ITGB7: variants seen among roughly 807,000 people sequenced by gnomAD.
ITGB7 encodes integrin beta-7.
ITGB7 carries 55 observed loss-of-function variants against 83.4 expected under a neutral mutation model. The ratio of observed to expected loss-of-function variants is 0.66; its 90% confidence interval spans 0.53 to 0.83. The LOEUF is 0.83. Ranked by LOEUF, ITGB7 falls within the 40% of genes least tolerant of loss-of-function variation. The probability of loss-of-function intolerance (pLI) is 0.00; values close to 1 mark genes in which losing one functional copy is unlikely to be tolerated. For missense variants in ITGB7, 921 were observed against 1,046.7 expected (o/e 0.88, Z 1.66); for synonymous variants, 454 against 423.6 (o/e 1.07, Z -0.88).
chr12:53,201,070 A>G lies in ITGB7; in HGVS notation c.-4+2T>C, dbSNP rs1942312958. ...CTAAAGTCTGCACCCAGTTCTATTT[A>G]CCGAGATCCCAAGCCGTAGTGGTAG... is the stretch of plus-strand genomic sequence containing the variant. On this transcript the variant is annotated splice_donor_variant, in intron 2 of 15. Coordinates refer to ENST00000267082, the MANE Select transcript of ITGB7 (RefSeq NM_000889.3). LOFTEE classifies it low-confidence loss of function (5UTR_SPLICE). 6.6e-6 allele frequency: 1 copy of G among 152,212 alleles called. No individual in the cohort carries two copies. The highest frequency in any genetic ancestry group is 1.5e-5 in the Non-Finnish European group (1 of 68,072). 9.4% of individuals were successfully genotyped at this position (152,212 alleles called of 1,614,324 possible). A position where few individuals can be genotyped will look rare whatever the true frequency, so the allele number is the denominator to read the frequency against.
chr12:53,201,277 C>T (rs760060522), intron 1 of ITGB7, 83 bp from the exon 2 acceptor site: 2 of 152,176 alleles, frequency 1.3e-5, no homozygotes, highest in African/African-American at 2.4e-5. Flanking sequence ...AGAAGAGGGT[C>T]AGTGACTGGG....
At chr12:53,205,526 G>T (rs2120545414) in intron 1 of ITGB7, among the ~76,000 whole-genome samples, 1 of 152,206 alleles carries the variant, frequency 6.6e-6, no homozygotes, top group Non-Finnish European at 1.5e-5. Context: ...GTCTGCAACT[G>T]AATCTGTAGG....
At position 53,191,559 on chromosome 12, in the gene ITGB7, G is replaced by C. The variant is rs780906449; in HGVS notation, c.2394C>G (p.Leu798=). ...TGGGTAAGTGTCCCTCCCTCCTTCA[G>C]AGAGTGGGACTGTCTGCCTCTTGAA... is the stretch of plus-strand genomic sequence containing the variant. ...PRFQEADSPT[L] is the part of the protein sequence containing the mutation. Residue 798 remains leucine, a synonymous_variant, in exon 16 of 16, where the codon CTC becomes CTG. Coordinates refer to ENST00000267082, the MANE Select transcript of ITGB7 (RefSeq NM_000889.3). 1.2e-6 allele frequency: 2 copies of C among 1,610,646 alleles called. No individual in the cohort carries two copies. Among genetic ancestry groups the C allele is most frequent in the Non-Finnish European group, 1.7e-6 (2 of 1,176,812 alleles).
In ITGB7 at chr12:53,197,768, G is replaced by A; in HGVS notation, c.385C>T (p.Arg129Trp). 1.3e-6 allele frequency: 2 copies of A among 1,568,300 alleles called. No individual in the cohort carries two copies. Among genetic ancestry groups the A allele is most frequent in the Non-Finnish European group, 1.7e-6 (2 of 1,159,302 alleles). ...GATQLAPQRV[R>W]VTLRPGEPQQ... ...AACTCACCAGGCCGCAGCGTGACCC[G>A]GACCCGCTGCGGCGCCAGCTGGGTG... Residue 129 changes from arginine to tryptophan, a missense_variant, in exon 4 of 16, where the codon CGG becomes TGG. Physicochemically the swap from Arg to Trp is moderately radical, Grantham distance 101 (BLOSUM62 -3). Transcript: ENST00000267082.
In ITGB7 at chr12:53,192,416, T is replaced by A; in HGVS notation, c.2069A>T (p.Glu690Val). The A allele has an allele frequency of 6.2e-7, 1 of 1,613,992 alleles. No individual in the cohort carries two copies. The highest frequency in any genetic ancestry group is 8.5e-7 in the Non-Finnish European group (1 of 1,180,000). ...APILDDGWCK[E>V]RTLDNQLFFF... is the part of the protein sequence containing the mutation. The stretch of plus-strand genomic sequence containing the variant: ...GAACAGCTGGTTGTCCAGGGTCCGC[T>A]CTTTGCACCAGCCATCATCCAAGAT... Residue 690 changes from glutamate (E) to valine (V), a missense_variant, in exon 14 of 16, where the codon GAG becomes GTG. By Grantham distance (121) the Glu-to-Val change is moderately radical (BLOSUM62 -2). Coordinates refer to ENST00000267082, the MANE Select transcript of ITGB7 (RefSeq NM_000889.3).
intron 5 of ITGB7, 42 bp downstream of exon 5, chr12:53,197,451 A>C: frequency 2.5e-6 from 4 of 1,612,020 alleles, no homozygotes; most frequent in Non-Finnish European, 2.5e-6. Context: ...CAGTGGTTGA[A>C]TAGGCAAGGG....
chr12:53,196,430 C>T (rs985083594), intron 6 of ITGB7, 149 bp downstream of exon 6: 3 of 1,193,648 alleles, frequency 2.5e-6, no homozygotes, highest in Non-Finnish European at 3.5e-6. Flanking sequence ...AGATATTTTA[C>T]TCCAACCCAC....
rs777518729 is a variant in ITGB7 at position 53,191,493 on chromosome 12, C to G, written c.*63G>C. Reference sequence around the variant, plus strand: ...AAGGTCTTACAGACCCACCCTTCCTCTCACCCTCCAGTTCCCACTGTCCTC... The same window carrying G: ...AAGGTCTTACAGACCCACCCTTCCTGTCACCCTCCAGTTCCCACTGTCCTC... On this transcript the variant is annotated 3_prime_UTR_variant, in exon 16 of 16. Transcript: ENST00000267082. The G allele has an allele frequency of 7.5e-7, 1 of 1,341,046 alleles. No homozygotes were observed. The highest frequency in any genetic ancestry group is 1.1e-6 in the Non-Finnish European group (1 of 931,262). The allele number at this position is 1,341,046 out of a possible 1,614,324, so 83.1% of individuals were successfully genotyped here.
At chr12:53,194,435 C>G in intron 9 of ITGB7, 91 bp from the exon 10 acceptor site, 1 of 1,339,528 alleles carries the variant, frequency 7.5e-7, no homozygotes, top group African/African-American at 1.4e-5. Context: ...CCAATTCTGC[C>G]AGCACCCTGC....
chr12:53,191,528 G>T lies in ITGB7; in HGVS notation c.*28C>A, dbSNP rs573888802. On this transcript the variant is annotated 3_prime_UTR_variant, in exon 16 of 16. Transcript: ENST00000267082. ...AGTTCCCACTGTCCTCCAAGGAGAA[G>T]AGCCTTGGGTAAGTGTCCCTCCCTC... 2 of 1,535,348 alleles carry T rather than the reference G, an allele frequency of 1.3e-6. No homozygotes were observed. Among genetic ancestry groups the T allele is most frequent in the Non-Finnish European group, 1.8e-6 (2 of 1,108,110 alleles).
At position 53,191,990 on chromosome 12, in the gene ITGB7, G is replaced by C. The variant is rs1315060101; in HGVS notation, c.2185C>G (p.Leu729Val). The part of the protein sequence containing the change: ...KGADHTQAIV[L>V]GCVGGIVAVG... ...GCCACGATGCCCCCTACGCAGCCCA[G>C]CACAATGGCCTGCGTGTGGTCTGCT... Residue 729 changes from leucine to valine, a missense_variant, in exon 15 of 16, where the codon CTG becomes GTG. Transcript: ENST00000267082. 1 of 1,612,776 alleles carries C rather than the reference G, an allele frequency of 6.2e-7. No individual in the cohort carries two copies. The highest frequency in any genetic ancestry group is 1.3e-5 in the African/African-American group (1 of 74,850).
At position 53,205,956 on chromosome 12, in the gene ITGB7, G is replaced by A. The variant is rs2120548665; in HGVS notation, c.-127+1246C>T. Among the ~76,000 whole-genome samples, 2 of 152,272 alleles carry A rather than the reference G, an allele frequency of 1.3e-5. 1 individual carries two copies. The highest frequency in any genetic ancestry group is 4.1e-4 in the South Asian group (2 of 4,830). On this transcript the variant is annotated intron_variant, in intron 1 of 15. Coordinates refer to ENST00000267082, the MANE Select transcript of ITGB7 (RefSeq NM_000889.3). Reference sequence around the variant, plus strand: ...GCCCTGCTTGCTCTGCATGCCTGTGGTCAGGGAGGCTGGAGATGCTGCAAC... The same window carrying A: ...GCCCTGCTTGCTCTGCATGCCTGTGATCAGGGAGGCTGGAGATGCTGCAAC...
chr12:53,196,795 C>T lies in ITGB7; in HGVS notation c.600G>A (p.Thr200=), dbSNP rs374936981. ...RIGFGSFVDK[T]VLPFVSTVPS... ...GTACTGTGCTCACAAAGGGCAGCAC[C>T]GTTTTGTCCACAAAGGAACCAAAAC... The change falls in exon 6 of 16, where the codon ACG becomes ACA. Residue 200 remains threonine, a synonymous_variant. Coordinates refer to ENST00000267082, the MANE Select transcript of ITGB7 (RefSeq NM_000889.3). 76 of 1,601,320 alleles carry T rather than the reference C, an allele frequency of 4.7e-5. No homozygotes were observed. In the Middle Eastern group the frequency reaches 1.5e-3, roughly 31 times the overall value.
rs775880116 is a variant in ITGB7 at position 53,192,831 on chromosome 12, C to T, written c.1806G>A (p.Met602Ile). The T allele has an allele frequency of 6.2e-6, 10 of 1,614,104 alleles. No homozygotes were observed. The South Asian group carries it at 1.1e-4, about 18-fold the overall frequency. ...TGRACECSGD[M>I]DSCISPEGGL... ...CTCCCTCGGGACTGATGCAACTGTC[C>T]ATGTCCCCACTGCATTCGCATGCTC... Residue 602 changes from methionine to isoleucine, a missense_variant, in exon 13 of 16, where the codon ATG becomes ATA. Coordinates refer to ENST00000267082, the MANE Select transcript of ITGB7 (RefSeq NM_000889.3).
chr12:53,192,330 T>G lies in ITGB7; in HGVS notation c.2155A>C (p.Lys719Gln). ...TVVLRVRPQE[K>Q]GADHTQAIVL... ...GTTTGTGGCATCCCTGCCCACTTACTTTCTTGGGGTCTCACTCTGAGCACG... is the reference window on the plus strand; with the variant it reads ...GTTTGTGGCATCCCTGCCCACTTACGTTCTTGGGGTCTCACTCTGAGCACG... Residue 719 changes from lysine (K) to glutamine (Q), a missense_variant and splice_region_variant, in exon 14 of 16, where the codon AAG becomes CAG. Lys to Gln is a moderately conservative substitution (Grantham distance 53, BLOSUM62 1). Coordinates refer to ENST00000267082, the MANE Select transcript of ITGB7 (RefSeq NM_000889.3). 6.2e-7 allele frequency: 1 copy of G among 1,614,048 alleles called. No homozygotes were observed. The highest frequency in any genetic ancestry group is 8.5e-7 in the Non-Finnish European group (1 of 1,180,006).
chr12:53,192,828 G>A lies in ITGB7; in HGVS notation c.1809C>T (p.Asp603=). The part of the protein sequence containing the change: ...GRACECSGDM[D]SCISPEGGLC... Reference sequence around the variant, plus strand: ...GCCCTCCCTCGGGACTGATGCAACTGTCCATGTCCCCACTGCATTCGCATG... The same window carrying A: ...GCCCTCCCTCGGGACTGATGCAACTATCCATGTCCCCACTGCATTCGCATG... Residue 603 remains aspartate, a synonymous_variant, in exon 13 of 16, where the codon GAC becomes GAT. Transcript: ENST00000267082. 2 of 1,614,218 alleles carry A rather than the reference G, an allele frequency of 1.2e-6. No individual in the cohort carries two copies. The highest frequency in any genetic ancestry group is 8.5e-7 in the Non-Finnish European group (1 of 1,180,046).
At position 53,197,715 on chromosome 12, in the gene ITGB7, A is replaced by G. The variant is rs766466305; in HGVS notation, c.403+35T>C. The G allele has an allele frequency of 1.9e-6, 3 of 1,595,872 alleles. No homozygotes were observed. In the Admixed American group the frequency reaches 5.2e-5, roughly 28 times the overall value. ...GCAGAGCGCATTGGAACGCCAGCCT[A>G]GACCTCTGGCCTGGCCCCGCCTCCC... On this transcript the variant is annotated intron_variant, in intron 4 of 15. Coordinates refer to ENST00000267082, the MANE Select transcript of ITGB7 (RefSeq NM_000889.3).
At position 53,192,521 on chromosome 12, in the gene ITGB7, C is replaced by T. The variant is rs1464217426; in HGVS notation, c.1964G>A (p.Gly655Glu). Residue 655 changes from glycine (G) to glutamate (E), a missense_variant, in exon 14 of 16, where the codon GGG (glycine) becomes GAG (glutamate). Transcript: ENST00000267082. ...CERHRDCAEC[G>E]AFRTGPLATN... ...GGCCAGTGGGCCAGTCCTGAAGGCC[C>T]CACACTCTGCACAGTCCCTGTGTAG... The T allele has an allele frequency of 6.2e-7, 1 of 1,614,108 alleles. No homozygotes were observed. The highest frequency in any genetic ancestry group is 1.7e-5 in the Admixed American group (1 of 60,026).
In ITGB7 at chr12:53,196,555, C is replaced by T. The variant is rs746426224; in HGVS notation, c.816+24G>A. 6 of 1,593,464 alleles carry T rather than the reference C, an allele frequency of 3.8e-6. No homozygotes were observed. In the Admixed American group the frequency reaches 6.7e-5, roughly 18 times the overall value. ...CTGTTCCCAAACAGACCTCCAGGCT[C>T]AGATCCCCGCCCCACCTCCTCACCT... On this transcript the variant is annotated intron_variant, in intron 6 of 15. Transcript: ENST00000267082.
Sources: gnomAD v4.1 joint callset for allele counts (sites outside exome capture counted in the v4.1 genomes callset) on GRCh38, gnomAD v4.1.1 for gene constraint, MANE v1.5 for transcripts, NCBI Gene and HGNC (gene_info 2026-07-23, HGNC 2026-07-21) for gene names.